DLGAP4: variants seen among roughly 807,000 people sequenced by gnomAD.
DLGAP4 encodes the protein DLG associated protein 4, also known as disks large-associated protein 4.
A neutral mutation model predicts 86.9 loss-of-function variants in DLGAP4; 18 were observed. That is an observed-to-expected ratio of 0.21 (90% confidence interval 0.14 to 0.31). The LOEUF (loss-of-function observed/expected upper bound fraction) is 0.31. Ranked by LOEUF, DLGAP4 falls within the 10% of genes least tolerant of loss-of-function variation. DLGAP4 has a pLI of 1.00. For synonymous variants in DLGAP4, 548 were observed against 574.3 expected (o/e 0.95, Z 0.65); for missense variants, 1,085 against 1,362.6 (o/e 0.80, Z 3.21).
intron 1 of DLGAP4, among the ~76,000 whole-genome samples, chr20:36,329,953 C>T (rs781872396): frequency 6.7e-5 from 10 of 149,990 alleles, no homozygotes; most frequent in South Asian, 4.2e-4. Flanking sequence ...ATCACTTAAC[C>T]GGGGAGGTGG....
In DLGAP4 at chr20:36,318,189, C is replaced by T. The variant is rs958515490; in HGVS notation, c.-304+11677C>T. The stretch of plus-strand genomic sequence containing the variant: ...CTCCAGGAGTGACTTTGAGGGCATC[C>T]AGTTTACCCTCATGATGATCAGGTT... On this transcript the variant is annotated intron_variant, in intron 1 of 12. Coordinates refer to ENST00000339266, the MANE Select transcript of DLGAP4 (RefSeq NM_001365621.2). Among the ~76,000 whole-genome samples the T allele has an allele frequency of 3.6e-4, 55 of 151,060 alleles. No homozygotes were observed. The East Asian group carries it at 0.01, about 28-fold the overall frequency.
chr20:36,396,101 C>T (rs1473866064), intron 2 of DLGAP4, among the ~76,000 whole-genome samples: 4 of 151,924 alleles, frequency 2.6e-5, no homozygotes, highest in Non-Finnish European at 5.9e-5. Flanking sequence ...TGGGGACTCT[C>T]GTCCACTGAG....
intron 7 of DLGAP4, among the ~76,000 whole-genome samples, chr20:36,467,557 A>G (rs2034473052): frequency 1.3e-5 from 2 of 152,206 alleles, no homozygotes; most frequent in Admixed American, 1.3e-4. Context: ...CAGAGGATGA[A>G]TCAGGCTGGG....
chr20:36,364,819 G>C (rs2030628453), intron 1 of DLGAP4, among the ~76,000 whole-genome samples: 1 of 152,196 alleles, frequency 6.6e-6, no homozygotes, highest in African/African-American at 2.4e-5. Flanking sequence ...GTGGGGCCAA[G>C]CTCAGTAGCT....
At chr20:36,402,171 G>A (rs543387314) in intron 2 of DLGAP4, among the ~76,000 whole-genome samples, 19 of 152,328 alleles carry the variant, frequency 1.2e-4, no homozygotes, top group African/African-American at 3.8e-4. Context: ...CCCAGGTTCC[G>A]TGCTAGGGCT....
rs2033159162 is a variant in DLGAP4, at chr20:36,432,558, G to A, written c.841G>A (p.Gly281Arg). The change falls in exon 3 of 13, where the codon GGG (glycine) becomes AGG (arginine). Residue 281 changes from glycine (G) to arginine (R), a missense_variant. Physicochemically the swap from Gly to Arg is moderately radical, Grantham distance 125. Around this residue, in one of 2 missense-constraint regions of DLGAP4, gnomAD observed 1,082 missense variants for 1,344.1 expected, o/e 0.81. Transcript: ENST00000339266. This position sits in a 1 kb window ranked among gnomAD's most constrained non-coding sequence, Gnocchi z 6.5. ...PAPPATCPSL[G>R]VGTDTNYVKR... The stretch of plus-strand genomic sequence containing the variant: ...ACCCCCAGCCACCTGCCCCAGCCTT[G>A]GGGTGGGCACTGACACCAACTACGT... 6.2e-7 allele frequency: 1 copy of A among 1,608,018 alleles called. No homozygotes were observed. The highest frequency in any genetic ancestry group is 8.5e-7 in the Non-Finnish European group (1 of 1,177,780).
chr20:36,313,666 G>A (rs1457603164), intron 1 of DLGAP4, among the ~76,000 whole-genome samples: 8 of 152,126 alleles, frequency 5.3e-5, no homozygotes, highest in South Asian at 2.1e-4. Flanking sequence ...GCTCTCTGCC[G>A]CCTGTGTTTT....
chr20:36,412,479 G>A (rs1389304738), intron 2 of DLGAP4, among the ~76,000 whole-genome samples: 1 of 152,242 alleles, frequency 6.6e-6, no homozygotes, highest in Admixed American at 6.5e-5. Flanking sequence ...AAGCAGCACA[G>A]GAAGCTCATT....
chr20:36,500,408 C>T lies in DLGAP4; in HGVS notation c.2309C>T (p.Pro770Leu). The T allele has an allele frequency of 6.3e-7, 1 of 1,591,708 alleles. No individual in the cohort carries two copies. Among genetic ancestry groups the T allele is most frequent in the South Asian group, 1.1e-5 (1 of 87,654 alleles). The part of the protein sequence containing the change: ...RNLSYGDNSD[P>L]ALEASSLPPP... Reference sequence around the variant, plus strand: ...CTCTCCTATGGAGACAACAGCGACCCTGCCCTAGAGGCGTCCTCGCTGCCC... The same window carrying T: ...CTCTCCTATGGAGACAACAGCGACCTTGCCCTAGAGGCGTCCTCGCTGCCC... The change falls in exon 10 of 13, where the codon CCT (proline) becomes CTT (leucine). Residue 770 changes from proline to leucine, a missense_variant. By Grantham distance (98) the Pro-to-Leu change is moderately conservative. Around this residue, in one of 2 missense-constraint regions of DLGAP4, gnomAD observed 1,082 missense variants for 1,344.1 expected, o/e 0.81. Transcript: ENST00000339266. The surrounding 1 kb of genome is among the most constrained non-coding windows in gnomAD (Gnocchi z 4.6).
intron 1 of DLGAP4, among the ~76,000 whole-genome samples, chr20:36,309,783 G>C (rs922218213): frequency 6.6e-6 from 1 of 152,168 alleles, no homozygotes; most frequent in Non-Finnish European, 1.5e-5. Context: ...CTAGTCCTCT[G>C]TCCGTTCTTT....
At chr20:36,461,432 G>T in intron 7 of DLGAP4, 2 of 922,342 alleles carry the variant, frequency 2.2e-6, no homozygotes, top group Non-Finnish European at 2.5e-6. Flanking sequence ...GGCGGGGCAG[G>T]TGCGGGACTT....
intron 7 of DLGAP4, among the ~76,000 whole-genome samples, chr20:36,453,450 G>T (rs2033793342): frequency 6.6e-6 from 1 of 152,128 alleles, no homozygotes; most frequent in African/African-American, 2.4e-5. Context: ...AGGAGTTCAA[G>T]ATCAGCCTGG....
intron 7 of DLGAP4, among the ~76,000 whole-genome samples, chr20:36,490,690 G>T (rs1431898573): frequency 6.6e-6 from 1 of 152,008 alleles, no homozygotes; most frequent in Non-Finnish European, 1.5e-5. Flanking sequence ...AGTGTAGACC[G>T]CCTCTCCTTT....
chr20:36,480,159 G>A (rs1317694909), intron 7 of DLGAP4, among the ~76,000 whole-genome samples: 1 of 152,150 alleles, frequency 6.6e-6, no homozygotes, highest in Non-Finnish European at 1.5e-5. Context: ...CTAACCTACT[G>A]GCAGTTTCTG....
chr20:36,497,382 C>A, intron 8 of DLGAP4: 1 of 1,199,878 alleles, frequency 8.3e-7, no homozygotes, highest in South Asian at 2.2e-5. Flanking sequence ...TCTGTCCACT[C>A]CACCCTTTGC....
intron 7 of DLGAP4, among the ~76,000 whole-genome samples, chr20:36,495,315 T>C (rs1356579306): frequency 6.6e-6 from 1 of 152,206 alleles, no homozygotes; most frequent in Admixed American, 6.5e-5. Flanking sequence ...GTTTCTACAG[T>C]CCTTTGTCCA....
chr20:36,307,861 T>C (rs151203980), intron 1 of DLGAP4, among the ~76,000 whole-genome samples: 341 of 152,342 alleles, frequency 2.2e-3, no homozygotes, highest in African/African-American at 8.1e-3. Flanking sequence ...GAATCAGTTG[T>C]ACAGGACCAT....
intron 1 of DLGAP4, among the ~76,000 whole-genome samples, chr20:36,344,641 C>T (rs1555892788): frequency 1.3e-5 from 2 of 152,246 alleles, no homozygotes; most frequent in East Asian, 3.8e-4. Flanking sequence ...AATCCCCAAC[C>T]TCCAGCTGCT....
At chr20:36,358,306 C>T (rs1053345757) in intron 1 of DLGAP4, among the ~76,000 whole-genome samples, 1 of 152,212 alleles carries the variant, frequency 6.6e-6, no homozygotes, top group Admixed American at 6.5e-5. Context: ...TCCCCGTCCT[C>T]GTGGCTCCCC....
Sources: allele counts gnomAD v4.1 joint callset (sites outside exome capture counted in the v4.1 genomes callset), GRCh38; gene constraint gnomAD v4.1.1; regional missense constraint gnomAD v4.1.1; non-coding constraint Gnocchi (gnomAD v3.1); transcripts MANE v1.5; gene names NCBI Gene and HGNC (gene_info 2026-07-23, HGNC 2026-07-21).